The following TNFSF15 variants were observed in gnomAD, a reference collection of about 807,000 sequenced individuals.
The protein encoded by TNFSF15 is tumor necrosis factor ligand superfamily member 15.
TNFSF15 carries 15 observed loss-of-function variants against 26.4 expected under a neutral mutation model. That is an observed-to-expected ratio of 0.57 (90% CI 0.38 to 0.87). The LOEUF is 0.87. Among genes scored for constraint, TNFSF15 ranks in the 40% least tolerant of loss-of-function variants. The pLI, the probability that TNFSF15 is intolerant of heterozygous loss-of-function variation, is 0.00. For missense variants in TNFSF15, 290 were observed against 306.1 expected (o/e 0.95, Z 0.39); for synonymous variants, 116 against 115.0 (o/e 1.01, Z -0.06).
In TNFSF15 at chr9:114,805,996, C is replaced by T. The variant is rs765222060; in HGVS notation, c.17G>A (p.Gly6Glu). MAEDL[G>E]LSFGETASVE... ...ACTGGCTGTTTCCCCAAAGCTCAGT[C>T]CCAGATCCTCGGCCATGCTCCTGCT... Residue 6 changes from glycine (G) to glutamate (E), a missense_variant, in exon 1 of 4, where the codon GGA (glycine) becomes GAA (glutamate). By Grantham distance (98) the Gly-to-Glu change is moderately conservative. Transcript: ENST00000374045. 1.9e-6 allele frequency: 3 copies of T among 1,613,948 alleles called. No homozygotes were observed. Among genetic ancestry groups the T allele is most frequent in the Non-Finnish European group, 2.5e-6 (3 of 1,179,962 alleles).
Position 114,789,331 on chromosome 9 carries a change from T to G in TNFSF15, c.*1121A>C. On this transcript the variant is annotated 3_prime_UTR_variant, in exon 4 of 4. Coordinates refer to ENST00000374045, the MANE Select transcript of TNFSF15 (RefSeq NM_005118.4). ...GAGTTATTATTTTATTTTTTTTTTT[T>G]TGGACAGAGTTTTGCTCTTGTTACC... 1 of 152,252 alleles carries G rather than the reference T, an allele frequency of 6.6e-6. No individual in the cohort carries two copies. The highest frequency in any genetic ancestry group is 1.9e-4 in the East Asian group (1 of 5,204). 9.4% of individuals were successfully genotyped at this position (152,252 alleles called of 1,614,324 possible).
At position 114,787,558 on chromosome 9, in the gene TNFSF15, T is replaced by G. The variant is rs1200895666; in HGVS notation, c.*2894A>C. 6.6e-6 allele frequency: 1 copy of G among 152,350 alleles called. No individual in the cohort carries two copies. Among genetic ancestry groups the G allele is most frequent in the Non-Finnish European group, 1.5e-5 (1 of 68,034 alleles). 9.4% of individuals were successfully genotyped at this position (152,350 alleles called of 1,614,324 possible). The stretch of plus-strand genomic sequence containing the variant: ...AAGCATTTTCTCCCTAAATTTACTG[T>G]TTTCTAAAGCATGCTTCTTCCTCCC... On this transcript the variant is annotated 3_prime_UTR_variant, in exon 4 of 4. Coordinates refer to ENST00000374045, the MANE Select transcript of TNFSF15 (RefSeq NM_005118.4).
intron 1 of TNFSF15, among the ~76,000 whole-genome samples, chr9:114,795,946 C>T (rs1829667740): frequency 6.6e-6 from 1 of 152,146 alleles, no homozygotes; most frequent in Non-Finnish European, 1.5e-5. Context: ...CCTTTTTTCA[C>T]TCCCAGGTCA....
At position 114,789,938 on chromosome 9, in the gene TNFSF15, CTT is replaced by C. The variant is rs1380853418; in HGVS notation, c.*512_*513del. The C allele has an allele frequency of 2.6e-5, 4 of 153,618 alleles. No homozygotes were observed. The highest frequency in any genetic ancestry group is 1.5e-5 in the Non-Finnish European group (1 of 68,934). The allele number at this position is 153,618 out of a possible 1,614,324, so 9.5% of individuals were successfully genotyped here. On this transcript the variant is annotated 3_prime_UTR_variant, in exon 4 of 4. Coordinates refer to ENST00000374045, the MANE Select transcript of TNFSF15 (RefSeq NM_005118.4). The stretch of plus-strand genomic sequence containing the variant: ...AACATTCATGAGACATACCAACTCT[CTT>C]TTCATTTTTTTTAGGCAAGGCATGA...
intron 1 of TNFSF15, among the ~76,000 whole-genome samples, chr9:114,798,324 C>T (rs1387693738): frequency 6.6e-6 from 1 of 152,050 alleles, no homozygotes; most frequent in Non-Finnish European, 1.5e-5. Flanking sequence ...TTCCCCTACC[C>T]TCCTTAGTTC....
At chr9:114,798,430 C>T (rs1266163543) in intron 1 of TNFSF15, among the ~76,000 whole-genome samples, 1 of 151,340 alleles carries the variant, frequency 6.6e-6, no homozygotes, top group Non-Finnish European at 1.5e-5. Flanking sequence ...TGGTCTGTTA[C>T]TATAGGTATT....
At chr9:114,798,402 C>A (rs917959616) in intron 1 of TNFSF15, among the ~76,000 whole-genome samples, 1 of 151,676 alleles carries the variant, frequency 6.6e-6, no homozygotes, top group Admixed American at 6.6e-5. Context: ...ACTGGTAATC[C>A]CTGACTCAAA....
intron 1 of TNFSF15, among the ~76,000 whole-genome samples, chr9:114,804,734 A>G (rs760164051): frequency 2.0e-5 from 3 of 152,224 alleles, no homozygotes; most frequent in Non-Finnish European, 4.4e-5. Context: ...GCATCTGGCC[A>G]TGAACGCTGC....
At chr9:114,791,709 A>G (rs1223436687) in intron 3 of TNFSF15, 1 of 167,150 alleles carries the variant, frequency 6.0e-6, no homozygotes, top group Non-Finnish European at 1.5e-5. Flanking sequence ...TTTCTGCACT[A>G]GACTTGGAAA....
chr9:114,792,224 T>TACACACACACACAC, intron 3 of TNFSF15, 183 bp downstream of exon 3: 1 of 558,526 alleles, frequency 1.8e-6, no homozygotes, highest in Non-Finnish European at 3.1e-6. Context: ...CATATGTGTG[T>TACACACACACACAC]ACACACACAC....
chr9:114,792,631 A>G (rs757466239), intron 2 of TNFSF15, 177 bp from the exon 3 acceptor site: 26 of 1,414,200 alleles, frequency 1.8e-5, no homozygotes, highest in African/African-American at 2.9e-5. Flanking sequence ...AGCAAGCACC[A>G]CCAAGGACAG....
At chr9:114,793,647 A>G (rs2131303799) in intron 1 of TNFSF15, 79 bp from the exon 2 acceptor site, 2 of 1,390,890 alleles carry the variant, frequency 1.4e-6, no homozygotes, top group Non-Finnish European at 2.0e-6. Context: ...TAGCACAGGT[A>G]TGATTACAAA....
intron 1 of TNFSF15, among the ~76,000 whole-genome samples, chr9:114,797,883 C>T (rs1394720173): frequency 1.3e-5 from 2 of 152,194 alleles, no homozygotes; most frequent in African/African-American, 2.4e-5. Flanking sequence ...ATTCAACCTG[C>T]CTACAGGTGG....
chr9:114,791,608 T>G (rs909126359), intron 3 of TNFSF15: 1 of 168,184 alleles, frequency 5.9e-6, no homozygotes, highest in African/African-American at 2.4e-5. Context: ...TTCTAGGTTT[T>G]CAGTGGGTTC....
At chr9:114,795,981 C>G (rs116447615) in intron 1 of TNFSF15, among the ~76,000 whole-genome samples, 1 of 152,142 alleles carries the variant, frequency 6.6e-6, no homozygotes. Context: ...TACTAGAAGC[C>G]CCTTGAGGGC....
rs1048139743 is a variant in TNFSF15, at chr9:114,790,163, C to G, written c.*289G>C. 9.1e-5 allele frequency: 25 copies of G among 274,798 alleles called. No homozygotes were observed. The South Asian group carries it at 1.8e-3, about 20-fold the overall frequency. 17.0% of individuals were successfully genotyped at this position (274,798 alleles called of 1,614,324 possible). ...TCTTTCAATCCTGACCCGAGTAGATCATCCATTCATTTAGTGATCAGTGTC... is the reference window on the plus strand; with the variant it reads ...TCTTTCAATCCTGACCCGAGTAGATGATCCATTCATTTAGTGATCAGTGTC... On this transcript the variant is annotated 3_prime_UTR_variant, in exon 4 of 4. Transcript: ENST00000374045.
chr9:114,804,304 A>G (rs906126114), intron 1 of TNFSF15, among the ~76,000 whole-genome samples: 17 of 152,242 alleles, frequency 1.1e-4, no homozygotes, highest in African/African-American at 4.1e-4. Flanking sequence ...CTTCCCGTCT[A>G]GTGACAGTGC....
At chr9:114,792,751 G>A (rs1322895340) in intron 2 of TNFSF15, among the ~76,000 whole-genome samples, 1 of 152,216 alleles carries the variant, frequency 6.6e-6, no homozygotes, top group Non-Finnish European at 1.5e-5. Flanking sequence ...TCTAAGATGG[G>A]CACAGTATAG....
chr9:114,785,232 G>T lies in TNFSF15; in HGVS notation c.*5220C>A, dbSNP rs1035548577. 8 of 152,250 alleles carry T rather than the reference G, an allele frequency of 5.3e-5. No individual in the cohort carries two copies. The highest frequency in any genetic ancestry group is 1.9e-4 in the African/African-American group (8 of 41,464). The allele number at this position is 152,250 out of a possible 1,614,324, so 9.4% of individuals were successfully genotyped here. A position where few individuals can be genotyped will look rare whatever the true frequency, so the allele number is the denominator to read the frequency against. On this transcript the variant is annotated 3_prime_UTR_variant, in exon 4 of 4. Transcript: ENST00000374045. ...GGCACTGGCCACGAAGGGTGACAGGGTGTGGATGTGATGGCTCCCTCTGAG... is the reference window on the plus strand; with the variant it reads ...GGCACTGGCCACGAAGGGTGACAGGTTGTGGATGTGATGGCTCCCTCTGAG...
Sources: allele counts gnomAD v4.1 joint callset (sites outside exome capture counted in the v4.1 genomes callset), GRCh38; gene constraint gnomAD v4.1.1; transcripts MANE v1.5; gene names NCBI Gene and HGNC (gene_info 2026-07-23, HGNC 2026-07-21).